Variants in FOXK2 observed in about 807,000 individuals in gnomAD.
FOXK2 encodes forkhead box K2, also known as forkhead box protein K2.
In FOXK2, 24 loss-of-function variants were observed where a neutral mutation model predicts 53.3. That is an observed-to-expected ratio of 0.45 (90% confidence interval 0.33 to 0.63). The LOEUF is 0.63. FOXK2 is among the 30% of genes least tolerant of loss of function. FOXK2 has a pLI of 0.03. For missense variants in FOXK2, 952 were observed against 910.5 expected (o/e 1.05, Z -0.59); for synonymous variants, 505 against 407.1 (o/e 1.24, Z -2.89).
intron 4 of FOXK2, among the ~76,000 whole-genome samples, chr17:82,572,299 T>G (rs182439462): frequency 2.6e-5 from 4 of 152,306 alleles, no homozygotes; most frequent in Admixed American, 1.3e-4. Flanking sequence ...GCAGAGACAG[T>G]TTTCAAACCG....
chr17:82,521,982 TTATAC>T (rs2044367462), intron 1 of FOXK2, among the ~76,000 whole-genome samples: 1 of 151,216 alleles, frequency 6.6e-6, no homozygotes, highest in South Asian at 2.1e-4. Flanking sequence ...TTATGTGTGT[TTATAC>T]TGTAGACGGT....
At chr17:82,520,330 G>T in intron 1 of FOXK2, 23 bp downstream of exon 1, 1 of 1,251,322 alleles carries the variant, frequency 8.0e-7, no homozygotes, top group South Asian at 3.5e-5. Context: ...GGGGCGGGGC[G>T]GGCGGGGTCT....
intron 2 of FOXK2, among the ~76,000 whole-genome samples, chr17:82,566,930 C>A (rs2044858711): frequency 1.3e-5 from 2 of 152,236 alleles, no homozygotes; most frequent in African/African-American, 4.8e-5. Context: ...TAAAAGTTGG[C>A]TCTTTAAACT....
chr17:82,557,609 G>T (rs939669872), intron 1 of FOXK2, among the ~76,000 whole-genome samples: 1 of 152,138 alleles, frequency 6.6e-6, no homozygotes, highest in African/African-American at 2.4e-5. Flanking sequence ...CTCCAAAAGT[G>T]CTGAGGATTA....
In FOXK2 at chr17:82,520,085, A is replaced by G; in HGVS notation, c.197A>G (p.Asp66Gly). 1 of 1,545,480 alleles carries G rather than the reference A, an allele frequency of 6.5e-7. No homozygotes were observed. ...IGRNSSQGSV[D>G]VSMGHSSFIS... ...CGCAACTCGTCGCAGGGCTCGGTGG[A>G]CGTGAGCATGGGCCACTCGAGCTTC... Residue 66 changes from aspartate (D) to glycine (G), a missense_variant, in exon 1 of 9, where the codon GAC becomes GGC. Asp to Gly is a moderately conservative substitution (Grantham distance 94, BLOSUM62 -1). Coordinates refer to ENST00000335255, the MANE Select transcript of FOXK2 (RefSeq NM_004514.4).
At chr17:82,570,791 C>T (rs984651558) in intron 3 of FOXK2, among the ~76,000 whole-genome samples, 1 of 152,200 alleles carries the variant, frequency 6.6e-6, no homozygotes, top group African/African-American at 2.4e-5. Context: ...TTCCCTTTCC[C>T]AGTGGGCTCG....
chr17:82,527,971 A>AT (rs991840407), intron 1 of FOXK2, among the ~76,000 whole-genome samples: 14 of 150,840 alleles, frequency 9.3e-5, no homozygotes, highest in African/African-American at 2.9e-4. Flanking sequence ...GGGCTAATTT[A>AT]TTTTTTTTTG....
rs554133486 is a variant in FOXK2 at position 82,588,035 on chromosome 17, G to A, written c.1786+763G>A. 3.2e-4 allele frequency among the ~76,000 whole-genome samples: 49 copies of A among 152,240 alleles called. 1 individual carries two copies. The South Asian group carries it at 8.7e-3, about 27-fold the overall frequency. On this transcript the variant is annotated intron_variant, in intron 8 of 8. Transcript: ENST00000335255. ...GGTACAGGTCAGAAGGCTTTATCAC[G>A]ACGTTTGAATCCTTACCGAACGCTA...
chr17:82,571,622 T>C, intron 3 of FOXK2, 102 bp from the exon 4 acceptor site: 2 of 1,201,262 alleles, frequency 1.7e-6, no homozygotes, highest in Non-Finnish European at 2.2e-6. Flanking sequence ...AAATGAGGTA[T>C]CAGAGGAACA....
At chr17:82,542,177 T>TTGG (rs111715087) in intron 1 of FOXK2, among the ~76,000 whole-genome samples, 1 of 148,648 alleles carries the variant, frequency 6.7e-6, no homozygotes, top group Admixed American at 6.8e-5. Context: ...TTTTTTTTTT[T>TTGG]TTTGAGACAG....
Position 82,585,776 on chromosome 17 carries a change from G to A in FOXK2, c.1280-128G>A, listed in dbSNP as rs1178513063. 3 of 874,370 alleles carry A rather than the reference G, an allele frequency of 3.4e-6. No individual in the cohort carries two copies. The Admixed American group carries it at 8.2e-5, about 24-fold the overall frequency. 54.2% of individuals were successfully genotyped at this position (874,370 alleles called of 1,614,324 possible). ...ATTATTAGTAACTTTACTATTGTGA[G>A]GTGAAATAGGGCCATATCCTATATT... is the stretch of plus-strand genomic sequence containing the variant. On this transcript the variant is annotated intron_variant, in intron 6 of 8. Coordinates refer to ENST00000335255, the MANE Select transcript of FOXK2 (RefSeq NM_004514.4).
At chr17:82,590,797 G>A (rs934758182) in intron 8 of FOXK2, among the ~76,000 whole-genome samples, 1 of 152,212 alleles carries the variant, frequency 6.6e-6, no homozygotes, top group African/African-American at 2.4e-5. Flanking sequence ...GAATTATGTG[G>A]ATGTGGCCGA....
chr17:82,549,189 G>A (rs993391305), intron 1 of FOXK2, among the ~76,000 whole-genome samples: 23 of 152,190 alleles, frequency 1.5e-4, no homozygotes, highest in African/African-American at 4.6e-4. Context: ...CTGTAGCTCC[G>A]AGTGTGAGGA....
In FOXK2 at chr17:82,576,011, T is replaced by C. The variant is rs574128092; in HGVS notation, c.909+4141T>C. 2.9e-4 allele frequency among the ~76,000 whole-genome samples: 31 copies of C among 106,638 alleles called. 3 individuals are homozygous for C. In the East Asian group the frequency reaches 9.4e-3, roughly 32 times the overall value. 70.0% of individuals were successfully genotyped at this position (106,638 alleles called of 152,430 possible). On this transcript the variant is annotated intron_variant, in intron 4 of 8. Coordinates refer to ENST00000335255, the MANE Select transcript of FOXK2 (RefSeq NM_004514.4). ...GTCCACACGTCCACACCAGCGTGTG[T>C]GCTCGGGTGGCGGCGGCGGGTTCGT...
At chr17:82,560,560 C>G (rs550904380) in intron 1 of FOXK2, among the ~76,000 whole-genome samples, 115 of 152,312 alleles carry the variant, frequency 7.6e-4, no homozygotes, top group Non-Finnish European at 2.8e-4. Flanking sequence ...TTGACTGATT[C>G]TTTTTATTTT....
chr17:82,531,829 T>C (rs1192478680), intron 1 of FOXK2, among the ~76,000 whole-genome samples: 2 of 152,184 alleles, frequency 1.3e-5, no homozygotes, highest in Non-Finnish European at 2.9e-5. Context: ...TCATAAACAC[T>C]GGACATTTAG....
chr17:82,537,187 A>G (rs1447536309), intron 1 of FOXK2, among the ~76,000 whole-genome samples: 1 of 152,200 alleles, frequency 6.6e-6, no homozygotes, highest in Non-Finnish European at 1.5e-5. Flanking sequence ...TGCTGGTATT[A>G]TGTTAGGAAG....
chr17:82,587,327 C>G lies in FOXK2; in HGVS notation c.1786+55C>G, dbSNP rs1201312381. ...GGCTGTGGGTACTGGGAGCAGAGCC[C>G]CTTCTCACTCGTGGTTTCGGTTCTG... On this transcript the variant is annotated intron_variant, in intron 8 of 8. Transcript: ENST00000335255. The G allele has an allele frequency of 3.0e-6, 4 of 1,355,154 alleles. No individual in the cohort carries two copies. The African/African-American group carries it at 5.7e-5, about 19-fold the overall frequency. The allele number at this position is 1,355,154 out of a possible 1,614,324, so 83.9% of individuals were successfully genotyped here.
rs749538437 is a variant in FOXK2 at position 82,586,135 on chromosome 17, C to T, written c.1511C>T (p.Pro504Leu). ...YTVSGQAVVT[P>L]AAVLAPPKAE... ...GTCTCTGGACAAGCTGTGGTCACCCCGGCAGCCGTGCTGGCCCCTCCTAAG... is the reference window on the plus strand; with the variant it reads ...GTCTCTGGACAAGCTGTGGTCACCCTGGCAGCCGTGCTGGCCCCTCCTAAG... The change falls in exon 7 of 9, where the codon CCG becomes CTG. Residue 504 changes from proline (P) to leucine (L), a missense_variant. Around this residue, in one of 5 missense-constraint regions of FOXK2, gnomAD observed 551 missense variants for 385.1 expected, o/e 1.43. Transcript: ENST00000335255. 4.6e-5 allele frequency: 74 copies of T among 1,612,480 alleles called. No individual in the cohort carries two copies. Among genetic ancestry groups the T allele is most frequent in the Middle Eastern group, 1.6e-4 (1 of 6,082 alleles).
Sources: gnomAD v4.1 joint callset for allele counts (sites outside exome capture counted in the v4.1 genomes callset) on GRCh38, gnomAD v4.1.1 for gene constraint, gnomAD v4.1.1 regional missense constraint, MANE v1.5 for transcripts, NCBI Gene and HGNC (gene_info 2026-07-23, HGNC 2026-07-21) for gene names.